CHMP6: variants seen among roughly 807,000 people sequenced by gnomAD.
CHMP6 encodes the protein charged multivesicular body protein 6.
In CHMP6, 10 loss-of-function variants were observed where a neutral mutation model predicts 32.8. The observed-to-expected ratio is 0.30, with a 90% CI of 0.19 to 0.52. The LOEUF (loss-of-function observed/expected upper bound fraction) is 0.52, where lower values mean the gene tolerates loss of function less well. Among genes scored for constraint, CHMP6 ranks in the 20% least tolerant of loss-of-function variants. The pLI, the probability that CHMP6 is intolerant of heterozygous loss-of-function variation, is 0.97. For missense variants in CHMP6, 269 were observed against 263.8 expected, an observed-to-expected ratio of 1.02 and a Z score of -0.14; for synonymous variants, 123 against 105.8, an observed-to-expected ratio of 1.16 and a Z score of -1.00.
At chr17:80,998,064 G>A (rs901132460) in intron 6 of CHMP6, among the ~76,000 whole-genome samples, 5 of 152,170 alleles carry the variant, frequency 3.3e-5, no homozygotes, top group African/African-American at 9.7e-5. Flanking sequence ...CCCACCCCTC[G>A]GTCCCTGAGA....
At chr17:80,997,521 G>C (rs113478566) in intron 6 of CHMP6, among the ~76,000 whole-genome samples, 180 bp downstream of exon 6, 1 of 151,984 alleles carries the variant, frequency 6.6e-6, no homozygotes, top group Non-Finnish European at 1.5e-5. Context: ...CTCACCCAAC[G>C]GTCTGGTGCA....
Position 80,999,471 on chromosome 17 carries a change from C to T in CHMP6, c.*318C>T, listed in dbSNP as rs2069667502. 2 of 363,578 alleles carry T rather than the reference C, an allele frequency of 5.5e-6. No homozygotes were observed. The highest frequency in any genetic ancestry group is 1.6e-3 in the Middle Eastern group (2 of 1,230). The allele number at this position is 363,578 out of a possible 1,614,324, so 22.5% of individuals were successfully genotyped here. On this transcript the variant is annotated 3_prime_UTR_variant, in exon 8 of 8. Coordinates refer to ENST00000325167, the MANE Select transcript of CHMP6 (RefSeq NM_024591.5). ...CTCTGGTGCTGTTCCCCTGCAGTCC[C>T]AGCCCCGCGTGGCTCGCGCTCGTCT...
intron 6 of CHMP6, 147 bp from the exon 7 acceptor site, chr17:80,998,219 C>A: frequency 1.2e-6 from 1 of 855,572 alleles, no homozygotes; most frequent in Non-Finnish European, 1.8e-6. Context: ...CGGTTGCAGA[C>A]TTGGGTCTTC....
chr17:80,992,037 G>T, intron 1 of CHMP6, 56 bp downstream of exon 1: 1 of 1,237,878 alleles, frequency 8.1e-7, no homozygotes. Flanking sequence ...CGGGGCCGGG[G>T]CGGGCGGCGG....
At chr17:80,998,651 A>C in intron 7 of CHMP6, 1 of 1,410,996 alleles carries the variant, frequency 7.1e-7, no homozygotes, top group Non-Finnish European at 9.2e-7. Flanking sequence ...TCAAAGAGAC[A>C]CATTCAGAAA....
intron 1 of CHMP6, among the ~76,000 whole-genome samples, chr17:80,993,267 C>CT (rs5822382): frequency 0.013 from 1,934 of 149,780 alleles, 40 homozygotes; most frequent in African/African-American, 0.044. Flanking sequence ...CAAATGATTG[C>CT]TTTTTTTTTT....
chr17:80,999,193 G>GA lies in CHMP6; in HGVS notation c.*41dup. 1 of 1,609,222 alleles carries GA rather than the reference G, an allele frequency of 6.2e-7. No individual in the cohort carries two copies. The highest frequency in any genetic ancestry group is 8.5e-7 in the Non-Finnish European group (1 of 1,175,910). On this transcript the variant is annotated 3_prime_UTR_variant, in exon 8 of 8. Transcript: ENST00000325167. ...GTGGGACTCACGGGGATGCCCCAGGGACTGTGGCCCACAGAGAGTTTGGGT... is the reference window on the plus strand; with the variant it reads ...GTGGGACTCACGGGGATGCCCCAGGGAACTGTGGCCCACAGAGAGTTTGGGT...
At chr17:80,997,922 G>A (rs2069653314) in intron 6 of CHMP6, among the ~76,000 whole-genome samples, 1 of 152,242 alleles carries the variant, frequency 6.6e-6, no homozygotes, top group African/African-American at 2.4e-5. Flanking sequence ...AGTCCTCCGG[G>A]GCCTCCAGGG....
rs1012467960 is a variant in CHMP6, at chr17:80,991,843, G to T, written c.-76G>T. 4.0e-5 allele frequency: 47 copies of T among 1,164,238 alleles called. No homozygotes were observed. Among genetic ancestry groups the T allele is most frequent in the Non-Finnish European group, 4.6e-5 (42 of 914,756 alleles). 72.1% of individuals were successfully genotyped at this position (1,164,238 alleles called of 1,614,324 possible). A position where few individuals can be genotyped will look rare whatever the true frequency, so the allele number is the denominator to read the frequency against. ...CCCGGCGCGGCCGCCGTAGCGGGAG[G>T]ACCCGAGCTACGGTGGCCGCGGGGC... On this transcript the variant is annotated 5_prime_UTR_variant, in exon 1 of 8. Coordinates refer to ENST00000325167, the MANE Select transcript of CHMP6 (RefSeq NM_024591.5).
intron 1 of CHMP6, 102 bp from the exon 2 acceptor site, chr17:80,994,479 A>G (rs963430081): frequency 3.1e-6 from 3 of 956,122 alleles, no homozygotes; most frequent in Non-Finnish European, 4.6e-6. Context: ...CCCATGAAGG[A>G]CACTCACGGA....
intron 6 of CHMP6, 73 bp from the exon 7 acceptor site, chr17:80,998,293 C>G: frequency 6.5e-7 from 1 of 1,539,534 alleles, no homozygotes; most frequent in Non-Finnish European, 9.0e-7. Flanking sequence ...GGATCCGTGT[C>G]CTCTCGGGGA....
At position 80,991,962 on chromosome 17, in the gene CHMP6, A is replaced by G; in HGVS notation, c.44A>G (p.Glu15Gly). 1 of 1,460,436 alleles carries G rather than the reference A, an allele frequency of 6.8e-7. No individual in the cohort carries two copies. The highest frequency in any genetic ancestry group is 9.1e-7 in the Non-Finnish European group (1 of 1,098,970). 90.5% of individuals were successfully genotyped at this position (1,460,436 alleles called of 1,614,324 possible). ...CGCAAGAAGCAGAGCCGCGTCACGG[A>G]GCAGGACAAGGCCATCCTGGTGAGG... ...FGRKKQSRVT[E>G]QDKAILQLKQ... The change falls in exon 1 of 8, where the codon GAG becomes GGG. Residue 15 changes from glutamate to glycine, a missense_variant. By Grantham distance (98) the Glu-to-Gly change is moderately conservative. Coordinates refer to ENST00000325167, the MANE Select transcript of CHMP6 (RefSeq NM_024591.5).
At chr17:80,996,954 G>A in intron 4 of CHMP6, 53 bp from the exon 5 acceptor site, 1 of 1,560,344 alleles carries the variant, frequency 6.4e-7, no homozygotes, top group Non-Finnish European at 8.7e-7. Flanking sequence ...CTCTGTCGGG[G>A]GTCTACCATT....
rs975019188 is a variant in CHMP6, at chr17:80,999,236, C to T, written c.*83C>T. 2.6e-5 allele frequency: 40 copies of T among 1,542,264 alleles called. No individual in the cohort carries two copies. Among genetic ancestry groups the T allele is most frequent in the East Asian group, 9.0e-5 (4 of 44,404 alleles). On this transcript the variant is annotated 3_prime_UTR_variant, in exon 8 of 8. Transcript: ENST00000325167. ...GTTTGGGTCACGGCCAGCCCCTGACCGGGTTCCCTGGAGCCCAGTGCGCAC... is the reference window on the plus strand; with the variant it reads ...GTTTGGGTCACGGCCAGCCCCTGACTGGGTTCCCTGGAGCCCAGTGCGCAC...
At chr17:80,998,979 C>A in intron 7 of CHMP6, 119 bp from the exon 8 acceptor site, 1 of 1,166,154 alleles carries the variant, frequency 8.6e-7, no homozygotes, top group Non-Finnish European at 1.2e-6. Context: ...CTGGGCGTGC[C>A]CTTCCCTAGT....
rs2069671706 is a variant in CHMP6, at chr17:80,999,944, C to T, written c.*791C>T. The T allele has an allele frequency of 6.6e-6, 1 of 152,244 alleles. No homozygotes were observed. Among genetic ancestry groups the T allele is most frequent in the Non-Finnish European group, 1.5e-5 (1 of 68,060 alleles). The allele number at this position is 152,244 out of a possible 1,614,324, so 9.4% of individuals were successfully genotyped here. On this transcript the variant is annotated 3_prime_UTR_variant, in exon 8 of 8. Transcript: ENST00000325167. ...CCCGGGACCCTCCTGCCCTGCGGGT[C>T]CCCGAGCCACCAGCAGCCAGGACTG...
chr17:80,995,777 A>G lies in CHMP6; in HGVS notation c.348+19A>G, dbSNP rs1408662407. On this transcript the variant is annotated intron_variant, in intron 4 of 7. Coordinates refer to ENST00000325167, the MANE Select transcript of CHMP6 (RefSeq NM_024591.5). ...GCACCAGGTGAGTCTCTGCAGGGCC[A>G]GGGGCATGGAGGTGTGGGGAGCCCA... is the stretch of plus-strand genomic sequence containing the variant. 1.2e-6 allele frequency: 2 copies of G among 1,610,154 alleles called. No homozygotes were observed. The highest frequency in any genetic ancestry group is 1.7e-6 in the Non-Finnish European group (2 of 1,176,710).
At chr17:80,998,773 C>G in intron 7 of CHMP6, 1 of 1,029,302 alleles carries the variant, frequency 9.7e-7, no homozygotes, top group Non-Finnish European at 1.3e-6. Flanking sequence ...AGCACAGGCT[C>G]TCCAACCTGC....
At chr17:80,999,019 C>T in intron 7 of CHMP6, 79 bp from the exon 8 acceptor site, 1 of 1,547,780 alleles carries the variant, frequency 6.5e-7, no homozygotes, top group Non-Finnish European at 8.9e-7. Context: ...CCCTTGCCAC[C>T]CCTGTGGCCT....
Sources: allele counts gnomAD v4.1 joint callset (sites outside exome capture counted in the v4.1 genomes callset), GRCh38; gene constraint gnomAD v4.1.1; transcripts MANE v1.5; gene names NCBI Gene and HGNC (gene_info 2026-07-23, HGNC 2026-07-21).